Variants in ADAMTS19 observed in about 807,000 individuals in gnomAD.
ADAMTS19 encodes the protein ADAM metallopeptidase with thrombospondin type 1 motif 19.
A neutral mutation model predicts 153.3 loss-of-function variants in ADAMTS19; 93 were observed. The observed-to-expected ratio is 0.61, with a 90% CI of 0.51 to 0.72. The LOEUF is 0.72. ADAMTS19 is among the 30% of genes least tolerant of loss of function. The pLI is 0.00. For synonymous variants in ADAMTS19, 600 were observed against 556.6 expected, an observed-to-expected ratio of 1.08 and a Z score of -1.10; for missense variants, 1,482 against 1,552.1, an observed-to-expected ratio of 0.95 and a Z score of 0.76.
intron 21 of ADAMTS19, among the ~76,000 whole-genome samples, chr5:129,726,650 C>T (rs201169449): frequency 1.3e-5 from 2 of 152,160 alleles, no homozygotes; most frequent in East Asian, 3.9e-4. Context: ...TCATAGCACA[C>T]AAATGTATGA....
intron 7 of ADAMTS19, among the ~76,000 whole-genome samples, chr5:129,572,708 T>C (rs1013031167): frequency 6.6e-6 from 1 of 151,982 alleles, no homozygotes; most frequent in Non-Finnish European, 1.5e-5. Context: ...TGTGTCATTT[T>C]CTAAAAAACA....
chr5:129,620,838 G>A, intron 9 of ADAMTS19, 80 bp downstream of exon 9: 4 of 1,471,878 alleles, frequency 2.7e-6, no homozygotes, highest in Non-Finnish European at 3.7e-6. Context: ...AGCCAGTGTG[G>A]CAAAGTGGAA....
intron 2 of ADAMTS19, among the ~76,000 whole-genome samples, chr5:129,462,619 G>T (rs900265406): frequency 3.3e-5 from 5 of 151,136 alleles, no homozygotes; most frequent in Admixed American, 2.0e-4. Context: ...GTGTGTGTGG[G>T]GGGGTCAAAT....
At chr5:129,495,672 T>C (rs1454519113) in intron 2 of ADAMTS19, among the ~76,000 whole-genome samples, 1 of 152,152 alleles carries the variant, frequency 6.6e-6, no homozygotes, top group Non-Finnish European at 1.5e-5. Flanking sequence ...GTAACATTGA[T>C]GAATGGTTCC....
In ADAMTS19 at chr5:129,461,218, C is replaced by T. The variant is rs1165414345; in HGVS notation, c.208C>T (p.Arg70Cys). The T allele has an allele frequency of 7.0e-6, 9 of 1,280,618 alleles. No individual in the cohort carries two copies. Among genetic ancestry groups the T allele is most frequent in the Admixed American group, 4.2e-5 (1 of 23,806 alleles). 79.3% of individuals were successfully genotyped at this position (1,280,618 alleles called of 1,614,324 possible). A position where few individuals can be genotyped will look rare whatever the true frequency, so the allele number is the denominator to read the frequency against. The change falls in exon 2 of 23, where the codon CGC (arginine) becomes TGC (cysteine). Residue 70 changes from arginine to cysteine, a missense_variant. Transcript: ENST00000274487. This position sits in a 1 kb window ranked among gnomAD's most constrained non-coding sequence, Gnocchi z 4.6. ...GGGCAGCGCGGACCCGGGCTGGGTG[C>T]GCGGCGTTGGGGGCGGCGGAAGCGC... is the stretch of plus-strand genomic sequence containing the variant. ...SGGSADPGWVRGVGGGGSARA... is the reference protein window; with the variant it reads ...SGGSADPGWVCGVGGGGSARA...
intron 6 of ADAMTS19, among the ~76,000 whole-genome samples, chr5:129,535,329 A>C (rs1752375277): frequency 6.6e-6 from 1 of 152,202 alleles, no homozygotes. Context: ...AAAGAGAATA[A>C]AATACCTAGG....
At chr5:129,614,680 G>A (rs984588796) in intron 8 of ADAMTS19, among the ~76,000 whole-genome samples, 3 of 152,006 alleles carry the variant, frequency 2.0e-5, no homozygotes, top group Non-Finnish European at 4.4e-5. Context: ...TGGAAGTTCT[G>A]GCCAGGGCAA....
chr5:129,460,370 G>A lies in ADAMTS19; in HGVS notation c.-22G>A, dbSNP rs745850829. 2.5e-6 allele frequency: 4 copies of A among 1,605,766 alleles called. No homozygotes were observed. Among genetic ancestry groups the A allele is most frequent in the East Asian group, 2.2e-5 (1 of 44,678 alleles). On this transcript the variant is annotated 5_prime_UTR_variant, in exon 1 of 23. Coordinates refer to ENST00000274487, the MANE Select transcript of ADAMTS19 (RefSeq NM_133638.6). ...GCTGGAGGCGTGCGCCGGGCGAGAA[G>A]CCGCGGCCGCGGGAGCGCAGTATGG...
chr5:129,627,583 G>A (rs1401521106), intron 10 of ADAMTS19, among the ~76,000 whole-genome samples: 1 of 149,738 alleles, frequency 6.7e-6, no homozygotes, highest in Admixed American at 6.6e-5. Flanking sequence ...TACAGAATGG[G>A]AGGAACTTAA....
chr5:129,468,493 A>G (rs1306215432), intron 2 of ADAMTS19, among the ~76,000 whole-genome samples: 2 of 151,956 alleles, frequency 1.3e-5, no homozygotes, highest in Non-Finnish European at 2.9e-5. Context: ...AGCTGGGACT[A>G]CAGGCGCGCA....
At chr5:129,620,261 A>G (rs1005032343) in intron 8 of ADAMTS19, among the ~76,000 whole-genome samples, 2 of 152,088 alleles carry the variant, frequency 1.3e-5, no homozygotes, top group African/African-American at 4.8e-5. Flanking sequence ...TTCAGGCAAC[A>G]GCAAGAATCT....
At chr5:129,568,172 A>C (rs1382825932) in intron 7 of ADAMTS19, among the ~76,000 whole-genome samples, 2 of 152,208 alleles carry the variant, frequency 1.3e-5, no homozygotes, top group African/African-American at 4.8e-5. Flanking sequence ...ATGATACTTA[A>C]AGGAAACTTG....
chr5:129,699,203 C>T (rs1301529477), intron 19 of ADAMTS19, among the ~76,000 whole-genome samples: 1 of 152,122 alleles, frequency 6.6e-6, no homozygotes, highest in Non-Finnish European at 1.5e-5. Context: ...GGGTGAATCA[C>T]TTGAGGTCAG....
chr5:129,607,313 T>G (rs1209237670), intron 8 of ADAMTS19, among the ~76,000 whole-genome samples: 2 of 152,246 alleles, frequency 1.3e-5, no homozygotes, highest in Non-Finnish European at 2.9e-5. Flanking sequence ...GATATTTACC[T>G]ATATATAGGT....
intron 20 of ADAMTS19, among the ~76,000 whole-genome samples, chr5:129,703,109 T>C (rs1221971042): frequency 6.6e-6 from 1 of 150,702 alleles, no homozygotes; most frequent in Non-Finnish European, 1.5e-5. Context: ...AAAATGTCAT[T>C]AGTTCCATGC....
intron 15 of ADAMTS19, among the ~76,000 whole-genome samples, chr5:129,661,474 T>C (rs951686371): frequency 2.0e-5 from 3 of 152,192 alleles, no homozygotes; most frequent in Admixed American, 6.5e-5. Flanking sequence ...CTTCCTAGAA[T>C]TTTTTGAAGG....
chr5:129,658,955 C>T (rs949224661), intron 15 of ADAMTS19, among the ~76,000 whole-genome samples: 3 of 152,098 alleles, frequency 2.0e-5, no homozygotes, highest in African/African-American at 7.2e-5. Flanking sequence ...ATCTGTTGTA[C>T]ATTTAATAAG....
chr5:129,546,363 G>C (rs1170293327), intron 6 of ADAMTS19, among the ~76,000 whole-genome samples: 1 of 150,290 alleles, frequency 6.7e-6, no homozygotes, highest in Non-Finnish European at 1.5e-5. Flanking sequence ...ATGTGCACAT[G>C]TACCCTAAAA....
chr5:129,732,794 A>G (rs1034813540), intron 21 of ADAMTS19, among the ~76,000 whole-genome samples: 1 of 152,096 alleles, frequency 6.6e-6, no homozygotes, highest in Non-Finnish European at 1.5e-5. Context: ...GTCATTTTTC[A>G]CAGAATTAGG....
Sources: gnomAD v4.1 joint callset for allele counts (sites outside exome capture counted in the v4.1 genomes callset) on GRCh38, gnomAD v4.1.1 for gene constraint, Gnocchi (gnomAD v3.1) non-coding constraint, MANE v1.5 for transcripts, NCBI Gene and HGNC (gene_info 2026-07-23, HGNC 2026-07-21) for gene names.